EIF3A: variants seen among roughly 807,000 people sequenced by gnomAD.
The protein encoded by EIF3A is EIF3, p180 subunit.
EIF3A carries 21 observed loss-of-function variants against 186.6 expected under a neutral mutation model. The ratio of observed to expected loss-of-function variants is 0.11; its 90% CI spans 0.08 to 0.16. The LOEUF is 0.16. Ranked by LOEUF, EIF3A falls within the 10% of genes least tolerant of loss-of-function variation. The pLI is 1.00. For missense variants in EIF3A, 1,306 were observed against 1,796.3 expected (o/e 0.73, Z 4.93); for synonymous variants, 563 against 584.3 (o/e 0.96, Z 0.52).
Position 119,070,997 on chromosome 10 carries a change from G to A in EIF3A, c.630C>T (p.Arg210=). 1.9e-6 allele frequency: 3 copies of A among 1,614,048 alleles called. No individual in the cohort carries two copies. Among genetic ancestry groups the A allele is most frequent in the Non-Finnish European group, 2.5e-6 (3 of 1,179,926 alleles). Reference sequence around the variant, plus strand: ...TGATTGCCGTACTTTGGTTATGGTGGCGCTGAATCTGCGATAAGTGCATTC... The same window carrying A: ...TGATTGCCGTACTTTGGTTATGGTGACGCTGAATCTGCGATAAGTGCATTC... ...NLRMHLSQIQ[R]HHNQSTAINL... The change falls in exon 5 of 22, where the codon CGC becomes CGT. Residue 210 remains arginine, a synonymous_variant. Coordinates refer to ENST00000369144, the MANE Select transcript of EIF3A (RefSeq NM_003750.4).
rs773682667 is a variant in EIF3A, at chr10:119,059,338, A to G, written c.1503T>C (p.Thr501=). The change falls in exon 11 of 22, where the codon ACT becomes ACC. Residue 501 remains threonine (T), a synonymous_variant. Coordinates refer to ENST00000369144, the MANE Select transcript of EIF3A (RefSeq NM_003750.4). ...GAGGACCAATCGGAGCATCTTCTCG[A>G]GTAGCATAATTCAAATCAGATCCAA... ...LSFGSDLNYA[T]REDAPIGPHL... 6.2e-7 allele frequency: 1 copy of G among 1,612,900 alleles called. No individual in the cohort carries two copies. Among genetic ancestry groups the G allele is most frequent in the Non-Finnish European group, 8.5e-7 (1 of 1,179,546 alleles).
chr10:119,042,349 T>C lies in EIF3A; in HGVS notation c.3171A>G (p.Arg1057=), dbSNP rs1848220537. The C allele has an allele frequency of 1.2e-6, 2 of 1,613,358 alleles. No homozygotes were observed. The highest frequency in any genetic ancestry group is 1.7e-6 in the Non-Finnish European group (2 of 1,179,798). The change falls in exon 19 of 22, where the codon CGA becomes CGG. Residue 1057 remains arginine (R), a synonymous_variant. Transcript: ENST00000369144. This position sits in a 1 kb window ranked among gnomAD's most constrained non-coding sequence, Gnocchi z 7.8. ...CATCATCAGCATTACGCCAGGATGA[T>C]CGCTCATCATCAGCGCCTCCTCGCC... ...GPRRGGADDE[R]SSWRNADDDR...
chr10:119,065,578 G>A lies in EIF3A; in HGVS notation c.951-8C>T. ...AGGACTCTAGTAGACATTCTATGGAGAACAAAGTTTTAAATCTGTTAGGTT... is the reference window on the plus strand; with the variant it reads ...AGGACTCTAGTAGACATTCTATGGAAAACAAAGTTTTAAATCTGTTAGGTT... On this transcript the variant is annotated splice_region_variant and splice_polypyrimidine_tract_variant and intron_variant, in intron 6 of 21. Coordinates refer to ENST00000369144, the MANE Select transcript of EIF3A (RefSeq NM_003750.4). 1 of 1,581,928 alleles carries A rather than the reference G, an allele frequency of 6.3e-7. No individual in the cohort carries two copies. The highest frequency in any genetic ancestry group is 8.6e-7 in the Non-Finnish European group (1 of 1,159,534).
intron 7 of EIF3A, among the ~76,000 whole-genome samples, chr10:119,062,420 A>C (rs1418043453): frequency 6.6e-6 from 1 of 152,202 alleles, no homozygotes; most frequent in African/African-American, 2.4e-5. Flanking sequence ...CTGTCTCATA[A>C]ATTTGGTTAT....
At chr10:119,073,368 G>T in intron 3 of EIF3A, 73 bp downstream of exon 3, 3 of 1,136,960 alleles carry the variant, frequency 2.6e-6, no homozygotes, top group South Asian at 3.1e-5. Context: ...ACTTCAAAAG[G>T]AAATGAAGAC....
chr10:119,074,415 A>C (rs570544490), intron 1 of EIF3A, among the ~76,000 whole-genome samples: 1 of 152,234 alleles, frequency 6.6e-6, no homozygotes, highest in African/African-American at 2.4e-5. Context: ...CAGTGAGCCG[A>C]GATCGCACCA....
intron 17 of EIF3A, among the ~76,000 whole-genome samples, chr10:119,047,529 C>A (rs1848296529): frequency 6.6e-6 from 1 of 152,084 alleles, no homozygotes; most frequent in Non-Finnish European, 1.5e-5. Context: ...TGGACAGACA[C>A]ATTTGCAAAT....
At chr10:119,058,439 C>T (rs1843827415) in intron 11 of EIF3A, 136 bp from the exon 12 acceptor site, 1 of 672,592 alleles carries the variant, frequency 1.5e-6, no homozygotes, top group Non-Finnish European at 2.5e-6. Flanking sequence ...TGACACTATC[C>T]AAGCTGTTTG....
intron 6 of EIF3A, 67 bp from the exon 7 acceptor site, chr10:119,065,637 C>T: frequency 8.5e-7 from 1 of 1,180,502 alleles, no homozygotes; most frequent in South Asian, 1.3e-5. Context: ...AAAAGCACTT[C>T]TCTTTAATCT....
At position 119,036,130 on chromosome 10, in the gene EIF3A, T is replaced by G; in HGVS notation, c.4058A>C (p.Lys1353Thr). 1 of 1,614,038 alleles carries G rather than the reference T, an allele frequency of 6.2e-7. No homozygotes were observed. The highest frequency in any genetic ancestry group is 8.5e-7 in the Non-Finnish European group (1 of 1,179,976). ...ATCTTTCTCAGCTCTCCATGAGGCC[T>G]TCTCTTTTTCACCTTCTCTTTCTCG... ...RDREREGEKEKASWRAEKDRE... is the reference protein window; with the variant it reads ...RDREREGEKETASWRAEKDRE... The change falls in exon 22 of 22, where the codon AAG becomes ACG. Residue 1353 changes from lysine to threonine, a missense_variant. By Grantham distance (78) the Lys-to-Thr change is moderately conservative (BLOSUM62 -1). Transcript: ENST00000369144.
At chr10:119,037,364 T>A in intron 20 of EIF3A, 55 bp from the exon 21 acceptor site, 1 of 1,489,362 alleles carries the variant, frequency 6.7e-7, no homozygotes, top group South Asian at 1.1e-5. Context: ...AAATGGATAA[T>A]TATAAGTACA....
intron 4 of EIF3A, among the ~76,000 whole-genome samples, chr10:119,071,564 C>G (rs1487667759): frequency 6.6e-6 from 1 of 152,024 alleles, no homozygotes; most frequent in Admixed American, 6.6e-5. Flanking sequence ...TAACTGGACA[C>G]GTTAATTTTT....
intron 14 of EIF3A, 44 bp downstream of exon 14, chr10:119,056,696 T>C (rs763856417): frequency 2.3e-6 from 3 of 1,296,052 alleles, no homozygotes; most frequent in Non-Finnish European, 3.3e-6. Context: ...TGGCAGAGGA[T>C]TTTATTACAA....
At chr10:119,080,334 A>C in intron 1 of EIF3A, 1 of 985,454 alleles carries the variant, frequency 1.0e-6, no homozygotes, top group Non-Finnish European at 1.2e-6. Context: ...AGGGAGCTCC[A>C]GTCCGGGTAG....
intron 8 of EIF3A, 70 bp from the exon 9 acceptor site, chr10:119,060,914 T>C: frequency 1.4e-6 from 1 of 707,654 alleles, no homozygotes; most frequent in Non-Finnish European, 2.2e-6. Flanking sequence ...TCTAAAACTC[T>C]TTTTTTTTTA....
intron 7 of EIF3A, among the ~76,000 whole-genome samples, chr10:119,062,743 CTT>C (rs372690463): frequency 2.1e-4 from 19 of 91,028 alleles, no homozygotes; most frequent in African/African-American, 7.6e-4. Flanking sequence ...AAGAGATCAC[CTT>C]TTTTTTTTTT....
At chr10:119,077,076 C>CT (rs1844188506) in intron 1 of EIF3A, among the ~76,000 whole-genome samples, 1 of 152,090 alleles carries the variant, frequency 6.6e-6, no homozygotes, top group Non-Finnish European at 1.5e-5. Flanking sequence ...AGCAGCAGCA[C>CT]TAAAATGACC....
intron 1 of EIF3A, among the ~76,000 whole-genome samples, 162 bp from the exon 2 acceptor site, chr10:119,074,099 A>G (rs1243295694): frequency 6.6e-5 from 10 of 152,132 alleles, no homozygotes; most frequent in Admixed American, 6.6e-4. Flanking sequence ...TCAAAAGTAA[A>G]ACAACAGAAA....
At chr10:119,037,358 G>A (rs774950094) in intron 20 of EIF3A, 49 bp from the exon 21 acceptor site, 3 of 1,525,112 alleles carry the variant, frequency 2.0e-6, no homozygotes, top group Non-Finnish European at 2.7e-6. Flanking sequence ...TAGACCAAAT[G>A]GATAATTATA....
Sources: gnomAD v4.1 joint callset for allele counts (sites outside exome capture counted in the v4.1 genomes callset) on GRCh38, gnomAD v4.1.1 for gene constraint, Gnocchi (gnomAD v3.1) non-coding constraint, MANE v1.5 for transcripts, NCBI Gene and HGNC (gene_info 2026-07-23, HGNC 2026-07-21) for gene names.